The following GALNT7 variants were observed in gnomAD, a reference collection of about 807,000 sequenced individuals.
GALNT7 encodes the protein N-acetylgalactosaminyltransferase 7.
GALNT7 carries 60 observed loss-of-function variants against 82.1 expected under a neutral mutation model. The observed-to-expected ratio is 0.73, with a 90% CI of 0.59 to 0.91. The LOEUF is 0.91. Ranked by LOEUF, GALNT7 falls within the 40% of genes least tolerant of loss-of-function variation. GALNT7 has a pLI of 0.00. For missense variants in GALNT7, 660 were observed against 804.2 expected, an observed-to-expected ratio of 0.82 and a Z score of 2.17; for synonymous variants, 243 against 275.1, an observed-to-expected ratio of 0.88 and a Z score of 1.15.
intron 1 of GALNT7, 51 bp from the exon 2 acceptor site, chr4:173,247,929 G>C (rs1330871084): frequency 5.0e-6 from 6 of 1,202,516 alleles, no homozygotes; most frequent in Non-Finnish European, 7.2e-6. Flanking sequence ...GAGCTCTACT[G>C]TGGTGGTTTG....
intron 3 of GALNT7, among the ~76,000 whole-genome samples, chr4:173,294,743 AACTTCCTCT>A (rs763697844): frequency 6.6e-6 from 1 of 152,182 alleles, no homozygotes; most frequent in Non-Finnish European, 1.5e-5. Context: ...TATAACACAA[AACTTCCTCT>A]ACTAAATTAC....
At chr4:173,317,429 A>G (rs1008179033) in intron 9 of GALNT7, 1 of 482,314 alleles carries the variant, frequency 2.1e-6, no homozygotes, top group African/African-American at 2.0e-5. Context: ...TCTTAGAGAA[A>G]GAACCCATTC....
At chr4:173,235,820 C>T (rs1290448743) in intron 1 of GALNT7, among the ~76,000 whole-genome samples, 1 of 152,178 alleles carries the variant, frequency 6.6e-6, no homozygotes, top group Non-Finnish European at 1.5e-5. Context: ...TCCCAAAGTG[C>T]TGGGATTACA....
chr4:173,245,641 T>C (rs1734599377), intron 1 of GALNT7, among the ~76,000 whole-genome samples: 1 of 152,204 alleles, frequency 6.6e-6, no homozygotes, highest in African/African-American at 2.4e-5. Context: ...AACCAGTTTG[T>C]TACAACATTT....
intron 1 of GALNT7, among the ~76,000 whole-genome samples, chr4:173,236,276 C>G (rs1351137734): frequency 2.0e-5 from 3 of 152,150 alleles, no homozygotes; most frequent in Non-Finnish European, 4.4e-5. Flanking sequence ...ACTGCCATTA[C>G]CATACTTCCC....
intron 2 of GALNT7, among the ~76,000 whole-genome samples, chr4:173,258,320 T>C (rs1735119543): frequency 6.6e-6 from 1 of 152,216 alleles, no homozygotes; most frequent in Non-Finnish European, 1.5e-5. Flanking sequence ...AACAGTGTGC[T>C]AAGGGTGTGC....
chr4:173,172,327 C>T (rs1197914956), intron 1 of GALNT7, among the ~76,000 whole-genome samples: 1 of 152,182 alleles, frequency 6.6e-6, no homozygotes, highest in Non-Finnish European at 1.5e-5. Flanking sequence ...TACTCATGCT[C>T]ACTTGAGGCA....
At chr4:173,214,545 TCA>T (rs1733381828) in intron 1 of GALNT7, among the ~76,000 whole-genome samples, 1 of 152,132 alleles carries the variant, frequency 6.6e-6, no homozygotes. Context: ...TAAGAAAACT[TCA>T]GATTTTAAGA....
intron 2 of GALNT7, among the ~76,000 whole-genome samples, chr4:173,261,950 ATAAT>A (rs1449543526): frequency 1.3e-5 from 2 of 152,230 alleles, no homozygotes; most frequent in African/African-American, 4.8e-5. Flanking sequence ...TTTAAGAATA[ATAAT>A]TTCATTACAT....
intron 1 of GALNT7, among the ~76,000 whole-genome samples, chr4:173,188,866 G>A (rs1174081583): frequency 6.6e-6 from 1 of 152,186 alleles, no homozygotes; most frequent in African/African-American, 2.4e-5. Context: ...TCTTTAGCAC[G>A]TGGCTGTTTC....
At position 173,320,656 on chromosome 4, in the gene GALNT7, A is replaced by C. The variant is rs185191112; in HGVS notation, c.1837-924A>C. ...TTCATATAATTGTGGCTGTTTTTTT[A>C]TTGTACACCACAACTTAATAATTAA... On this transcript the variant is annotated intron_variant, in intron 11 of 11. Transcript: ENST00000265000. This position sits in a 1 kb window ranked among gnomAD's most constrained non-coding sequence, Gnocchi z 4.1. Among the ~76,000 whole-genome samples, 436 of 152,222 alleles carry C rather than the reference A, an allele frequency of 2.9e-3. 3 individuals carry two copies. The highest frequency in any genetic ancestry group is 0.026 in the East Asian group (136 of 5,166).
chr4:173,303,347 A>G (rs1364919580), intron 7 of GALNT7, among the ~76,000 whole-genome samples: 1 of 152,200 alleles, frequency 6.6e-6, no homozygotes, highest in African/African-American at 2.4e-5. Context: ...AGAGAACACA[A>G]GGAACATTCA....
At position 173,295,381 on chromosome 4, in the gene GALNT7, G is replaced by A; in HGVS notation, c.755-15G>A. 2 of 1,518,642 alleles carry A rather than the reference G, an allele frequency of 1.3e-6. No individual in the cohort carries two copies. The highest frequency in any genetic ancestry group is 4.5e-5 in the East Asian group (2 of 44,308). The allele number at this position is 1,518,642 out of a possible 1,614,324, so 94.1% of individuals were successfully genotyped here. On this transcript the variant is annotated splice_polypyrimidine_tract_variant and intron_variant, in intron 3 of 11. Coordinates refer to ENST00000265000, the MANE Select transcript of GALNT7 (RefSeq NM_017423.3). Reference sequence around the variant, plus strand: ...ATTCGTCTAATTTATAATATCGATTGATTTTTCTTAACAGAACACTTAAAA... The same window carrying A: ...ATTCGTCTAATTTATAATATCGATTAATTTTTCTTAACAGAACACTTAAAA...
chr4:173,172,882 G>A (rs770506518), intron 1 of GALNT7, among the ~76,000 whole-genome samples: 1 of 152,132 alleles, frequency 6.6e-6, no homozygotes, highest in Admixed American at 6.5e-5. Flanking sequence ...TCTTAAGTGC[G>A]GTGAGAAGCC....
intron 1 of GALNT7, among the ~76,000 whole-genome samples, chr4:173,208,995 T>C (rs921516078): frequency 6.6e-6 from 1 of 152,204 alleles, no homozygotes; most frequent in South Asian, 2.1e-4. Context: ...GTAGAATAGT[T>C]TAGAGATTCA....
At chr4:173,278,477 A>G (rs1189020667) in intron 2 of GALNT7, among the ~76,000 whole-genome samples, 2 of 152,224 alleles carry the variant, frequency 1.3e-5, no homozygotes, top group African/African-American at 4.8e-5. Context: ...CAACATAGAA[A>G]ACTGGGAGGG....
chr4:173,247,274 C>T (rs1734674477), intron 1 of GALNT7, among the ~76,000 whole-genome samples: 2 of 151,232 alleles, frequency 1.3e-5, no homozygotes, highest in South Asian at 4.2e-4. Flanking sequence ...AAGAGAGGCA[C>T]CCTTTACTGT....
At chr4:173,183,456 T>A (rs1579886809) in intron 1 of GALNT7, among the ~76,000 whole-genome samples, 1 of 151,938 alleles carries the variant, frequency 6.6e-6, no homozygotes, top group African/African-American at 2.4e-5. Context: ...ACTGCAAATT[T>A]TCCTGGGTTG....
intron 2 of GALNT7, among the ~76,000 whole-genome samples, chr4:173,261,408 A>G (rs1405843199): frequency 6.6e-6 from 1 of 150,854 alleles, no homozygotes; most frequent in Non-Finnish European, 1.5e-5. Flanking sequence ...TTTTCTCATC[A>G]GCATTAAAAC....
Sources: gnomAD v4.1 joint callset for allele counts (sites outside exome capture counted in the v4.1 genomes callset) on GRCh38, gnomAD v4.1.1 for gene constraint, Gnocchi (gnomAD v3.1) non-coding constraint, MANE v1.5 for transcripts, NCBI Gene and HGNC (gene_info 2026-07-23, HGNC 2026-07-21) for gene names.